Variants in IMMP2L observed in about 807,000 individuals in gnomAD.
The protein encoded by IMMP2L is inner mitochondrial membrane peptidase subunit 2, also known as mitochondrial inner membrane protease subunit 2.
A neutral mutation model predicts 19.3 loss-of-function variants in IMMP2L; 18 were observed. The ratio of observed to expected loss-of-function variants is 0.93; its 90% confidence interval spans 0.64 to 1.38. The LOEUF is 1.38. Among genes scored for constraint, IMMP2L ranks in the 40% most tolerant of loss-of-function variants. IMMP2L has a pLI of 0.00. For missense variants in IMMP2L, 233 were observed against 218.2 expected, an observed-to-expected ratio of 1.07 and a Z score of -0.43; for synonymous variants, 76 against 73.0, an observed-to-expected ratio of 1.04 and a Z score of -0.21.
chr7:111,507,890 G>T (rs1194631230), intron 2 of IMMP2L, among the ~76,000 whole-genome samples: 1 of 152,120 alleles, frequency 6.6e-6, no homozygotes, highest in South Asian at 2.1e-4. Context: ...CATCAGGATA[G>T]CCTGAGTTTT....
intron 4 of IMMP2L, among the ~76,000 whole-genome samples, chr7:110,900,300 G>A (rs1811727170): frequency 6.6e-6 from 1 of 152,126 alleles, no homozygotes; most frequent in Non-Finnish European, 1.5e-5. Context: ...ATTGTTAAAT[G>A]ATCTAAATCA....
chr7:111,121,779 G>T (rs952594400), intron 3 of IMMP2L, among the ~76,000 whole-genome samples: 2 of 152,108 alleles, frequency 1.3e-5, no homozygotes, highest in Non-Finnish European at 2.9e-5. Context: ...ACATGCACAC[G>T]TATGTTTATT....
At chr7:111,311,901 A>G (rs1209353696) in intron 3 of IMMP2L, among the ~76,000 whole-genome samples, 1 of 152,098 alleles carries the variant, frequency 6.6e-6, no homozygotes, top group Non-Finnish European at 1.5e-5. Context: ...GCCACTCCAG[A>G]ATTCCATCAT....
intron 5 of IMMP2L, among the ~76,000 whole-genome samples, chr7:110,790,014 T>C (rs769753418): frequency 2.0e-5 from 3 of 151,706 alleles, no homozygotes; most frequent in Non-Finnish European, 4.4e-5. Context: ...TCCTTATACA[T>C]TTGTTAATTT....
chr7:111,447,788 T>A (rs1838661641), intron 3 of IMMP2L, among the ~76,000 whole-genome samples: 1 of 151,718 alleles, frequency 6.6e-6, no homozygotes, highest in South Asian at 2.1e-4. Context: ...TCAAGACCCA[T>A]CAGTGTGCTG....
At chr7:110,998,395 T>C (rs59790783) in intron 3 of IMMP2L, among the ~76,000 whole-genome samples, 1 of 152,102 alleles carries the variant, frequency 6.6e-6, no homozygotes, top group Non-Finnish European at 1.5e-5. Context: ...TAGGTTGGGG[T>C]TGTTACTAGA....
intron 3 of IMMP2L, among the ~76,000 whole-genome samples, chr7:111,384,306 G>A (rs557977050): frequency 5.0e-4 from 75 of 148,726 alleles, no homozygotes; most frequent in Non-Finnish European, 9.3e-4. Flanking sequence ...GAAAGGAGGA[G>A]GAGGGAAAAG....
At chr7:110,721,574 C>CA (rs959135163) in intron 5 of IMMP2L, among the ~76,000 whole-genome samples, 6 of 151,804 alleles carry the variant, frequency 4.0e-5, no homozygotes, top group Non-Finnish European at 7.4e-5. Flanking sequence ...AACACACAAA[C>CA]AAAAAAACAC....
intron 1 of IMMP2L, among the ~76,000 whole-genome samples, chr7:111,561,310 C>T (rs1343054806): frequency 6.6e-6 from 1 of 152,144 alleles, no homozygotes; most frequent in African/African-American, 2.4e-5. Flanking sequence ...CATCTCTCTC[C>T]CCTCAAAACA....
chr7:110,887,568 T>C (rs754520045), intron 4 of IMMP2L, among the ~76,000 whole-genome samples: 2 of 146,490 alleles, frequency 1.4e-5, no homozygotes, highest in Non-Finnish European at 3.0e-5. Flanking sequence ...TTACAAGGGG[T>C]GTTCAAACAA....
rs1313397427 is a variant in IMMP2L, at chr7:110,790,016, T to C, written c.408+96577A>G. Among the ~76,000 whole-genome samples the C allele has an allele frequency of 8.6e-5, 13 of 151,720 alleles. 1 individual carries two copies. Among genetic ancestry groups the C allele is most frequent in the African/African-American group, 3.2e-4 (13 of 41,116 alleles). Reference sequence around the variant, plus strand: ...ACCATTACCTGAGTCCTTATACATTTGTTAATTTATGTTCTGTCATCCTCC... The same window carrying C: ...ACCATTACCTGAGTCCTTATACATTCGTTAATTTATGTTCTGTCATCCTCC... On this transcript the variant is annotated intron_variant, in intron 5 of 5. Transcript: ENST00000405709.
intron 5 of IMMP2L, among the ~76,000 whole-genome samples, chr7:110,706,556 T>C (rs1794694122): frequency 6.6e-6 from 1 of 152,208 alleles, no homozygotes; most frequent in Non-Finnish European, 1.5e-5. Flanking sequence ...TTTTGACTGG[T>C]GTGAGATGAT....
intron 5 of IMMP2L, among the ~76,000 whole-genome samples, chr7:110,793,146 G>C (rs183956413): frequency 6.6e-6 from 1 of 152,088 alleles, no homozygotes; most frequent in Non-Finnish European, 1.5e-5. Context: ...CCAGCTGAGC[G>C]TGATGGCTCA....
At chr7:111,488,535 G>C (rs930306175) in intron 2 of IMMP2L, among the ~76,000 whole-genome samples, 2 of 152,100 alleles carry the variant, frequency 1.3e-5, no homozygotes, top group Non-Finnish European at 2.9e-5. Flanking sequence ...TTATGGCTGA[G>C]TAATATATAT....
intron 3 of IMMP2L, among the ~76,000 whole-genome samples, chr7:111,432,684 T>C (rs1414666107): frequency 6.6e-6 from 1 of 151,558 alleles, no homozygotes; most frequent in Non-Finnish European, 1.5e-5. Flanking sequence ...TTCACCACTC[T>C]TACTCAATAT....
At chr7:110,963,292 A>T (rs1819159776) in intron 4 of IMMP2L, among the ~76,000 whole-genome samples, 1 of 151,958 alleles carries the variant, frequency 6.6e-6, no homozygotes, top group Non-Finnish European at 1.5e-5. Flanking sequence ...TATACTTCAC[A>T]ATTAAAGAAT....
chr7:111,465,202 A>G (rs1457052073), intron 3 of IMMP2L, among the ~76,000 whole-genome samples: 2 of 152,252 alleles, frequency 1.3e-5, no homozygotes, highest in East Asian at 3.9e-4. Context: ...TATATGGTGT[A>G]CATCCTAAGT....
intron 5 of IMMP2L, among the ~76,000 whole-genome samples, chr7:110,839,885 C>T (rs1584989633): frequency 1.3e-5 from 2 of 152,158 alleles, no homozygotes; most frequent in East Asian, 3.9e-4. Context: ...AGCTGATATA[C>T]TCTGCTTGCA....
At chr7:111,384,604 T>C (rs913673739) in intron 3 of IMMP2L, among the ~76,000 whole-genome samples, 2 of 152,016 alleles carry the variant, frequency 1.3e-5, no homozygotes, top group South Asian at 2.1e-4. Context: ...CTTTGTATAA[T>C]AGGTAAAAAT....
Sources: gnomAD v4.1 joint callset for allele counts (sites outside exome capture counted in the v4.1 genomes callset) on GRCh38, gnomAD v4.1.1 for gene constraint, MANE v1.5 for transcripts, NCBI Gene and HGNC (gene_info 2026-07-23, HGNC 2026-07-21) for gene names.